The following ABCC5 variants were observed in gnomAD, a reference collection of about 807,000 sequenced individuals.
ABCC5 encodes ATP-binding cassette sub-family C member 5.
ABCC5 carries 61 observed loss-of-function variants against 160.9 expected under a neutral mutation model. That is an observed-to-expected ratio of 0.38 (90% CI 0.31 to 0.47). The LOEUF is 0.47. ABCC5 is among the 20% of genes least tolerant of loss of function. The pLI, the probability that ABCC5 is intolerant of heterozygous loss-of-function variation, is 0.99. For missense variants in ABCC5, 1,308 were observed against 1,813.3 expected, an observed-to-expected ratio of 0.72 and a Z score of 5.06; for synonymous variants, 666 against 700.6, an observed-to-expected ratio of 0.95 and a Z score of 0.78.
intron 2 of ABCC5, among the ~76,000 whole-genome samples, chr3:184,007,016 C>CTTTTTTT (rs376229755): frequency 6.2e-4 from 50 of 81,162 alleles, no homozygotes; most frequent in East Asian, 2.6e-3. Flanking sequence ...TTTACTTCTG[C>CTTTTTTT]TTTTTTTTTT....
At chr3:183,940,834 G>A (rs919750326) in intron 25 of ABCC5, among the ~76,000 whole-genome samples, 2 of 152,050 alleles carry the variant, frequency 1.3e-5, no homozygotes, top group East Asian at 1.9e-4. Flanking sequence ...TATTAGAACC[G>A]GAGTGTAAAT....
Position 184,014,290 on chromosome 3 carries a change from C to T in ABCC5, c.103G>A (p.Asp35Asn). Reference protein sequence around the residue: ...STSGTHRDREDSKFRRTRPLE... With the variant: ...STSGTHRDRENSKFRRTRPLE... Reference sequence around the variant, plus strand: ...GGTCGAGTTCTCCTGAACTTGGAATCTTCACGGTCTCTGTGCGTCCCAGAA... The same window carrying T: ...GGTCGAGTTCTCCTGAACTTGGAATTTTCACGGTCTCTGTGCGTCCCAGAA... Residue 35 changes from aspartate to asparagine, a missense_variant, in exon 2 of 30, where the codon GAT (aspartate) becomes AAT (asparagine). This residue lies in a region of ABCC5 where 1,142 missense variants were observed against 1,527.1 expected (regional missense o/e 0.75). Transcript: ENST00000334444. 1.2e-6 allele frequency: 2 copies of T among 1,614,060 alleles called. No individual in the cohort carries two copies. The highest frequency in any genetic ancestry group is 1.7e-6 in the Non-Finnish European group (2 of 1,179,988).
intron 11 of ABCC5, 28 bp downstream of exon 11, chr3:183,971,535 G>T: frequency 6.3e-7 from 1 of 1,597,128 alleles, no homozygotes. Context: ...TGGGGTGCGG[G>T]CAGGGAGGCA....
intron 2 of ABCC5, among the ~76,000 whole-genome samples, chr3:183,991,042 C>T (rs1441804626): frequency 6.6e-6 from 1 of 152,058 alleles, no homozygotes; most frequent in Non-Finnish European, 1.5e-5. Flanking sequence ...TGGTGGCTCG[C>T]GCCTGTAATC....
intron 12 of ABCC5, among the ~76,000 whole-genome samples, chr3:183,966,009 G>C (rs573990664): frequency 6.6e-6 from 1 of 152,200 alleles, no homozygotes; most frequent in Non-Finnish European, 1.5e-5. Flanking sequence ...ATTTACCAAT[G>C]ATGGACCTTG....
chr3:183,930,479 G>A (rs964133538), intron 26 of ABCC5, among the ~76,000 whole-genome samples: 3 of 152,234 alleles, frequency 2.0e-5, no homozygotes, highest in Non-Finnish European at 4.4e-5. Context: ...ACCTAAGAAT[G>A]TGACCTTATT....
intron 5 of ABCC5, chr3:183,984,811 C>T (rs757832703): frequency 2.5e-6 from 4 of 1,580,638 alleles, no homozygotes; most frequent in South Asian, 1.1e-5. Flanking sequence ...CTTTTCCTCA[C>T]GTGAAGCAAC....
rs551918904 is a variant in ABCC5 at position 183,957,457 on chromosome 3, C to T, written c.2482+2276G>A. On this transcript the variant is annotated intron_variant, in intron 17 of 29. Transcript: ENST00000334444. ...ATGTGTATATCACATCTGTTACATGCGGATCCGTGTGTATATGACATCAGT... is the reference window on the plus strand; with the variant it reads ...ATGTGTATATCACATCTGTTACATGTGGATCCGTGTGTATATGACATCAGT... Among the ~76,000 whole-genome samples the T allele has an allele frequency of 4.3e-5, 6 of 140,898 alleles. 1 individual carries two copies. The East Asian group carries it at 7.9e-4, about 18-fold the overall frequency. The allele number at this position is 140,898 out of a possible 152,430, so 92.4% of individuals were successfully genotyped here.
At position 183,921,462 on chromosome 3, in the gene ABCC5, A is replaced by C. The variant is rs73044699; in HGVS notation, c.4213-61T>G. 298 of 1,512,854 alleles carry C rather than the reference A, an allele frequency of 2.0e-4. 1 individual carries two copies. The African/African-American group carries it at 3.9e-3, about 20-fold the overall frequency. The allele number at this position is 1,512,854 out of a possible 1,614,324, so 93.7% of individuals were successfully genotyped here. A position where few individuals can be genotyped will look rare whatever the true frequency, so the allele number is the denominator to read the frequency against. ...TGGGTCATGCAGGGTGATTCAGAGGATCCACGGCTCAGTAAGTGCCAGTGC... is the reference window on the plus strand; with the variant it reads ...TGGGTCATGCAGGGTGATTCAGAGGCTCCACGGCTCAGTAAGTGCCAGTGC... On this transcript the variant is annotated intron_variant, in intron 29 of 29. Coordinates refer to ENST00000334444, the MANE Select transcript of ABCC5 (RefSeq NM_005688.4). This position sits in a 1 kb window ranked among gnomAD's most constrained non-coding sequence, Gnocchi z 4.1.
chr3:183,965,457 A>T lies in ABCC5; in HGVS notation c.1878T>A (p.Ala626=). 1 of 1,613,798 alleles carries T rather than the reference A, an allele frequency of 6.2e-7. No homozygotes were observed. The highest frequency in any genetic ancestry group is 8.5e-7 in the Non-Finnish European group (1 of 1,180,028). Residue 626 remains alanine (A), a synonymous_variant, in exon 13 of 30, where the codon GCT becomes GCA. Coordinates refer to ENST00000334444, the MANE Select transcript of ABCC5 (RefSeq NM_005688.4). ...GGATCCAGGCCTGCTGGGCCACATA[A>T]GCGAAGGTTCCACTGATTGCAATGC... is the stretch of plus-strand genomic sequence containing the variant. ...EGSIAISGTF[A]YVAQQAWILN...
chr3:183,947,559 C>T (rs1297497517), intron 22 of ABCC5, 49 bp from the exon 23 acceptor site: 19 of 1,436,956 alleles, frequency 1.3e-5, no homozygotes, highest in South Asian at 5.6e-5. Context: ...TACACAACCC[C>T]GCGCATGGAC....
chr3:183,953,671 T>G (rs1205747779), intron 17 of ABCC5, among the ~76,000 whole-genome samples: 1 of 152,316 alleles, frequency 6.6e-6, no homozygotes, highest in South Asian at 2.1e-4. Flanking sequence ...GTGGGGTGGT[T>G]GGCAGGCATG....
intron 2 of ABCC5, among the ~76,000 whole-genome samples, chr3:183,993,961 CTTT>C (rs746329198): frequency 5.3e-5 from 7 of 133,186 alleles, no homozygotes; most frequent in Admixed American, 7.6e-5. Context: ...GGAGATCTCA[CTTT>C]TTTTTTTTTT....
chr3:183,941,425 G>A lies in ABCC5; in HGVS notation c.3694+1302C>T, dbSNP rs777595390. Among the ~76,000 whole-genome samples the A allele has an allele frequency of 3.9e-5, 6 of 152,152 alleles. No homozygotes were observed. The East Asian group carries it at 7.7e-4, about 20-fold the overall frequency. On this transcript the variant is annotated intron_variant, in intron 25 of 29. Transcript: ENST00000334444. ...ACCTGGAGCAATGTCTTGTTTTGACGTGAAGTAATTCCCTCAAACAGAAAG... is the reference window on the plus strand; with the variant it reads ...ACCTGGAGCAATGTCTTGTTTTGACATGAAGTAATTCCCTCAAACAGAAAG...
At chr3:183,958,850 T>A (rs932229943) in intron 17 of ABCC5, among the ~76,000 whole-genome samples, 2 of 151,966 alleles carry the variant, frequency 1.3e-5, no homozygotes, top group East Asian at 1.9e-4. Flanking sequence ...TCTTCCCACC[T>A]CAGCCTCCCA....
chr3:183,951,718 T>C lies in ABCC5; in HGVS notation c.2814+139A>G. On this transcript the variant is annotated intron_variant, in intron 19 of 29. Transcript: ENST00000334444. The surrounding 1 kb of genome is among the most constrained non-coding windows in gnomAD (Gnocchi z 4.7). ...GTGGCAAGTGAGAAAAGGTGGAGGC[T>C]AACGGAATATGAGTCATCTCAGCCA... 2 of 1,464,130 alleles carry C rather than the reference T, an allele frequency of 1.4e-6. No individual in the cohort carries two copies. The highest frequency in any genetic ancestry group is 1.9e-6 in the Non-Finnish European group (2 of 1,080,638). 90.7% of individuals were successfully genotyped at this position (1,464,130 alleles called of 1,614,324 possible).
Position 183,937,927 on chromosome 3 carries a change from C to T in ABCC5, c.3828G>A (p.Glu1276=). The T allele has an allele frequency of 6.2e-7, 1 of 1,614,206 alleles. No individual in the cohort carries two copies. Among genetic ancestry groups the T allele is most frequent in the Non-Finnish European group, 8.5e-7 (1 of 1,180,024 alleles). Reference sequence around the variant, plus strand: ...TGACAGTGCCACTGAACAGCACCGGCTCTTGAGGAATGATAGAGAGTTTGC... The same window carrying T: ...TGACAGTGCCACTGAACAGCACCGGTTCTTGAGGAATGATAGAGAGTTTGC... ...LRSKLSIIPQ[E]PVLFSGTVRS... Residue 1276 remains glutamate, a synonymous_variant, in exon 26 of 30, where the codon GAG becomes GAA. Transcript: ENST00000334444.
chr3:183,988,774 A>G lies in ABCC5; in HGVS notation c.288-47T>C, dbSNP rs1345292838. ...CACAAAGCTATCAACACGCACGGAG[A>G]GGGCAGCCCGTGTTTAATGGACACT... On this transcript the variant is annotated intron_variant, in intron 3 of 29. Transcript: ENST00000334444. The surrounding 1 kb of genome is among the most constrained non-coding windows in gnomAD (Gnocchi z 4.4). The G allele has an allele frequency of 6.3e-7, 1 of 1,588,072 alleles. No homozygotes were observed. The highest frequency in any genetic ancestry group is 1.8e-5 in the Admixed American group (1 of 56,770).
At chr3:183,967,658 A>G in intron 12 of ABCC5, 37 bp downstream of exon 12, 1 of 1,564,754 alleles carries the variant, frequency 6.4e-7, no homozygotes, top group Non-Finnish European at 8.8e-7. Context: ...TGCAAACCAG[A>G]GAAAGCAGCA....
Sources: allele counts gnomAD v4.1 joint callset (sites outside exome capture counted in the v4.1 genomes callset), GRCh38; gene constraint gnomAD v4.1.1; regional missense constraint gnomAD v4.1.1; non-coding constraint Gnocchi (gnomAD v3.1); transcripts MANE v1.5; gene names NCBI Gene and HGNC (gene_info 2026-07-23, HGNC 2026-07-21).